KLHL14: variants seen among roughly 807,000 people sequenced by gnomAD.
The protein encoded by KLHL14 is kelch-like protein 14.
KLHL14 carries 22 observed loss-of-function variants against 64.3 expected under a neutral mutation model. The ratio of observed to expected loss-of-function variants is 0.34; its 90% CI spans 0.24 to 0.49. KLHL14 has a LOEUF of 0.49. KLHL14 is among the 20% of genes least tolerant of loss of function. KLHL14 has a pLI of 0.99. For synonymous variants in KLHL14, 322 were observed against 333.4 expected (o/e 0.97, Z 0.37); for missense variants, 661 against 789.0 (o/e 0.84, Z 1.94).
intron 3 of KLHL14, among the ~76,000 whole-genome samples, chr18:32,724,533 C>A (rs1263621493): frequency 6.6e-6 from 1 of 152,172 alleles, no homozygotes; most frequent in African/African-American, 2.4e-5. Context: ...GGCTCCAGAA[C>A]AAAGTGGCTT....
intron 3 of KLHL14, among the ~76,000 whole-genome samples, chr18:32,707,618 C>A (rs1469430875): frequency 6.6e-6 from 1 of 152,156 alleles, no homozygotes; most frequent in African/African-American, 2.4e-5. Context: ...AAGATGTGTA[C>A]CTGACCAGCC....
chr18:32,765,084 T>C (rs1325560872), intron 2 of KLHL14, among the ~76,000 whole-genome samples: 1 of 152,190 alleles, frequency 6.6e-6, no homozygotes, highest in Non-Finnish European at 1.5e-5. Flanking sequence ...TGTGCAATCA[T>C]GGAGCAATGC....
chr18:32,722,626 T>C (rs1184537003), intron 3 of KLHL14, among the ~76,000 whole-genome samples: 3 of 152,074 alleles, frequency 2.0e-5, no homozygotes, highest in Non-Finnish European at 4.4e-5. Context: ...TACCTTCAGC[T>C]GGCGAAGAAA....
At chr18:32,678,777 C>G (rs1032456663) in intron 7 of KLHL14, among the ~76,000 whole-genome samples, 3 of 152,106 alleles carry the variant, frequency 2.0e-5, no homozygotes, top group Admixed American at 1.3e-4. Context: ...GGCTTAGATA[C>G]AATGTCTATA....
At chr18:32,756,825 C>T (rs1441858832) in intron 2 of KLHL14, among the ~76,000 whole-genome samples, 1 of 152,196 alleles carries the variant, frequency 6.6e-6, no homozygotes, top group Non-Finnish European at 1.5e-5. Flanking sequence ...ACCTTCTCTA[C>T]ATGACTAGAA....
At chr18:32,745,414 T>G (rs2050219421) in intron 2 of KLHL14, 1 of 152,212 alleles carries the variant, frequency 6.6e-6, no homozygotes, top group South Asian at 2.1e-4. Flanking sequence ...AGTGGTTTTC[T>G]CACTATTTTC....
At chr18:32,753,667 C>T (rs113272680) in intron 2 of KLHL14, among the ~76,000 whole-genome samples, 201 of 152,224 alleles carry the variant, frequency 1.3e-3, no homozygotes, top group African/African-American at 4.6e-3. Flanking sequence ...AGGATCAGGA[C>T]GAGTTTATCT....
chr18:32,739,255 A>G (rs2050182726), intron 3 of KLHL14, among the ~76,000 whole-genome samples: 1 of 152,110 alleles, frequency 6.6e-6, no homozygotes, highest in South Asian at 2.1e-4. Context: ...AAGTTCTCCA[A>G]TCCCTTAGGC....
intron 2 of KLHL14, among the ~76,000 whole-genome samples, chr18:32,767,329 A>G (rs1329904811): frequency 6.6e-6 from 1 of 152,020 alleles, no homozygotes; most frequent in Non-Finnish European, 1.5e-5. Context: ...TACAATTAAA[A>G]TAATGTAATT....
intron 3 of KLHL14, among the ~76,000 whole-genome samples, chr18:32,725,102 G>A (rs1357513201): frequency 6.6e-6 from 1 of 151,626 alleles, no homozygotes; most frequent in East Asian, 1.9e-4. Flanking sequence ...GCTCACTGTA[G>A]CCTCAACTTC....
At chr18:32,745,707 T>G (rs541177694) in intron 2 of KLHL14, 1 of 152,328 alleles carries the variant, frequency 6.6e-6, no homozygotes, top group South Asian at 2.1e-4. Flanking sequence ...GAATAATTCC[T>G]GTGGAAAAGC....
chr18:32,768,560 T>C (rs2050359379), intron 2 of KLHL14, among the ~76,000 whole-genome samples: 1 of 152,168 alleles, frequency 6.6e-6, no homozygotes, highest in African/African-American at 2.4e-5. Flanking sequence ...GTGGTTAGGC[T>C]GGAGTAGCCT....
Position 32,680,348 on chromosome 18 carries a change from T to A in KLHL14, c.1430-21A>T, listed in dbSNP as rs764703512. 7.4e-6 allele frequency: 12 copies of A among 1,613,446 alleles called. No individual in the cohort carries two copies. In the South Asian group the frequency reaches 1.3e-4, roughly 18 times the overall value. ...ACCCCCTGTGAAATAAACATAGACA[T>A]ACAAGTCAAGAGAGTGCTTTGGAAC... On this transcript the variant is annotated intron_variant, in intron 6 of 8. Transcript: ENST00000359358. The surrounding 1 kb of genome is among the most constrained non-coding windows in gnomAD (Gnocchi z 4.8).
At chr18:32,693,062 G>A (rs1057451273) in intron 4 of KLHL14, among the ~76,000 whole-genome samples, 2 of 152,126 alleles carry the variant, frequency 1.3e-5, no homozygotes, top group Non-Finnish European at 2.9e-5. Flanking sequence ...TTACCAGACC[G>A]GTGCACCCAT....
At chr18:32,753,549 T>A (rs1295181442) in intron 2 of KLHL14, among the ~76,000 whole-genome samples, 1 of 152,220 alleles carries the variant, frequency 6.6e-6, no homozygotes, top group African/African-American at 2.4e-5. Flanking sequence ...ACTTGCAGAC[T>A]GGCTGGTGAT....
chr18:32,745,627 C>T (rs928245714), intron 2 of KLHL14: 1 of 152,158 alleles, frequency 6.6e-6, no homozygotes, highest in African/African-American at 2.4e-5. Flanking sequence ...ATGAGAATAA[C>T]CATCACATAT....
intron 2 of KLHL14, among the ~76,000 whole-genome samples, chr18:32,755,663 T>C (rs987879301): frequency 6.6e-6 from 1 of 152,236 alleles, no homozygotes; most frequent in Non-Finnish European, 1.5e-5. Flanking sequence ...TTTCAAAATG[T>C]GGTCCAAAAT....
rs561724897 is a variant in KLHL14, at chr18:32,760,031, G to A, written c.947+9614C>T. ...TTACATTCCCTTTTTTAATCCCATC[G>A]CTTTGCACAGGATGCTCTGATGTGG... is the stretch of plus-strand genomic sequence containing the variant. On this transcript the variant is annotated intron_variant, in intron 2 of 8. Coordinates refer to ENST00000359358, the MANE Select transcript of KLHL14 (RefSeq NM_020805.3). Among the ~76,000 whole-genome samples, 8 of 152,196 alleles carry A rather than the reference G, an allele frequency of 5.3e-5. No homozygotes were observed. The South Asian group carries it at 6.2e-4, about 12-fold the overall frequency.
chr18:32,769,777 G>T lies in KLHL14; in HGVS notation c.815C>A (p.Pro272Gln). The change falls in exon 2 of 9, where the codon CCG becomes CAG. Residue 272 changes from proline to glutamine, a missense_variant. Around this residue, in one of 2 missense-constraint regions of KLHL14, gnomAD observed 330 missense variants for 450.0 expected, o/e 0.73. Transcript: ENST00000359358. Reference protein sequence around the residue: ...KRLRFALIPAPELVERVQSVD... With the variant: ...KRLRFALIPAQELVERVQSVD... ...TGACTGGACCCGCTCCACCAGCTCC[G>T]GGGCCGGGATGAGGGCGAAGCGGAG... 6.2e-7 allele frequency: 1 copy of T among 1,609,468 alleles called. No individual in the cohort carries two copies. The highest frequency in any genetic ancestry group is 8.5e-7 in the Non-Finnish European group (1 of 1,176,966).
Sources: allele counts gnomAD v4.1 joint callset (sites outside exome capture counted in the v4.1 genomes callset), GRCh38; gene constraint gnomAD v4.1.1; regional missense constraint gnomAD v4.1.1; non-coding constraint Gnocchi (gnomAD v3.1); transcripts MANE v1.5; gene names NCBI Gene and HGNC (gene_info 2026-07-23, HGNC 2026-07-21).